EPB41L2: variants seen among roughly 807,000 people sequenced by gnomAD.
EPB41L2 encodes the protein band 4.1-like protein 2.
A neutral mutation model predicts 113.0 loss-of-function variants in EPB41L2; 43 were observed. That is an observed-to-expected ratio of 0.38 (90% CI 0.30 to 0.49). The LOEUF is 0.49. Ranked by LOEUF, EPB41L2 falls within the 20% of genes least tolerant of loss-of-function variation. The pLI is 0.95. For missense variants in EPB41L2, 1,147 were observed against 1,223.4 expected (o/e 0.94, Z 0.93); for synonymous variants, 442 against 436.7 (o/e 1.01, Z -0.15).
At chr6:130,888,458 C>T (rs1583099916) in intron 11 of EPB41L2, among the ~76,000 whole-genome samples, 1 of 152,268 alleles carries the variant, frequency 6.6e-6, no homozygotes, top group Non-Finnish European at 1.5e-5. Flanking sequence ...ACTGCCCATA[C>T]AAGATGGTGG....
chr6:130,958,345 G>A (rs1235285823), intron 1 of EPB41L2, among the ~76,000 whole-genome samples: 3 of 151,830 alleles, frequency 2.0e-5, no homozygotes, highest in Admixed American at 6.6e-5. Flanking sequence ...CCAGCTACTC[G>A]GAAGGCTGAG....
intron 3 of EPB41L2, among the ~76,000 whole-genome samples, chr6:130,940,692 C>T (rs1810521872): frequency 6.6e-6 from 1 of 152,050 alleles, no homozygotes. Flanking sequence ...GTCTCAAATT[C>T]CTGACCTCAA....
At chr6:130,997,072 CTT>C (rs1292055945) in intron 1 of EPB41L2, among the ~76,000 whole-genome samples, 5 of 152,272 alleles carry the variant, frequency 3.3e-5, no homozygotes, top group African/African-American at 1.2e-4. Flanking sequence ...TACTATTCCT[CTT>C]TGAGCTTGGC....
At chr6:130,843,526 G>T (rs1371541292) in intron 19 of EPB41L2, among the ~76,000 whole-genome samples, 2 of 152,160 alleles carry the variant, frequency 1.3e-5, no homozygotes, top group African/African-American at 4.8e-5. Flanking sequence ...AATTCAACCT[G>T]CTTTCACTTT....
intron 18 of EPB41L2, among the ~76,000 whole-genome samples, chr6:130,861,545 T>C (rs1202512423): frequency 1.3e-5 from 2 of 152,112 alleles, no homozygotes; most frequent in Non-Finnish European, 2.9e-5. Context: ...CAGCTTCTGG[T>C]GACAAGCAGA....
chr6:130,970,601 C>A (rs535773523), intron 1 of EPB41L2: 4 of 152,272 alleles, frequency 2.6e-5, no homozygotes, highest in African/African-American at 9.6e-5. Flanking sequence ...TTATAAAATT[C>A]TTCTATCCTG....
intron 1 of EPB41L2, among the ~76,000 whole-genome samples, chr6:130,958,875 G>C (rs1439376003): frequency 1.3e-5 from 2 of 152,206 alleles, no homozygotes; most frequent in Admixed American, 1.3e-4. Context: ...ACTTGAAGTA[G>C]AGGAGAAATG....
chr6:130,966,667 C>T (rs1584051848), intron 1 of EPB41L2, among the ~76,000 whole-genome samples: 2 of 152,104 alleles, frequency 1.3e-5, no homozygotes, highest in African/African-American at 4.8e-5. Context: ...TTTTAATGAA[C>T]AGAAGTTTTC....
intron 14 of EPB41L2, 34 bp from the exon 15 acceptor site, chr6:130,870,160 A>C (rs1390579515): frequency 6.4e-7 from 1 of 1,566,984 alleles, no homozygotes; most frequent in Non-Finnish European, 8.6e-7. Flanking sequence ...GGAAAACAAA[A>C]ATATATGAAT....
intron 1 of EPB41L2, among the ~76,000 whole-genome samples, chr6:130,964,768 C>T (rs925804018): frequency 9.2e-5 from 14 of 152,078 alleles, no homozygotes; most frequent in African/African-American, 3.1e-4. Flanking sequence ...TGCAGCAACT[C>T]GAACCTTCTC....
At chr6:130,962,192 A>T (rs927660201) in intron 1 of EPB41L2, among the ~76,000 whole-genome samples, 1 of 152,086 alleles carries the variant, frequency 6.6e-6, no homozygotes, top group Non-Finnish European at 1.5e-5. Flanking sequence ...CAGCCACCTA[A>T]CTCTACTTGG....
At chr6:130,844,344 C>T (rs1191970233) in intron 19 of EPB41L2, among the ~76,000 whole-genome samples, 10 of 151,820 alleles carry the variant, frequency 6.6e-5, no homozygotes, top group Non-Finnish European at 1.0e-4. Context: ...AGGCAGATCA[C>T]GAGGTCAGGG....
intron 19 of EPB41L2, among the ~76,000 whole-genome samples, chr6:130,851,535 C>T (rs926098868): frequency 1.2e-4 from 19 of 152,188 alleles, no homozygotes; most frequent in Non-Finnish European, 2.9e-5. Context: ...GCTCCAGTGG[C>T]TCCATGACAC....
At chr6:130,964,949 G>A (rs1456494068) in intron 1 of EPB41L2, among the ~76,000 whole-genome samples, 2 of 152,114 alleles carry the variant, frequency 1.3e-5, no homozygotes, top group African/African-American at 2.4e-5. Context: ...ATCCCAAAAC[G>A]ACTTCACTAC....
Position 130,894,974 on chromosome 6 carries a change from G to A in EPB41L2, c.1382C>T (p.Pro461Leu), listed in dbSNP as rs759632542. ...KRSNFYIKVR[P>L]AELEQFESTI... ...AGAAATGTCTTGGCTTACCTCTGCC[G>A]GTCTGACTTTAATGTAGAAGTTACT... Residue 461 changes from proline (P) to leucine (L), a missense_variant, in exon 9 of 20, where the codon CCG (proline) becomes CTG (leucine). Coordinates refer to ENST00000337057, the MANE Select transcript of EPB41L2 (RefSeq NM_001431.4). 7 of 1,612,704 alleles carry A rather than the reference G, an allele frequency of 4.3e-6. No homozygotes were observed. The highest frequency in any genetic ancestry group is 2.2e-5 in the South Asian group (2 of 90,908).
At position 130,968,297 on chromosome 6, in the gene EPB41L2, C is replaced by T. The variant is rs139097097; in HGVS notation, c.-14-11798G>A. On this transcript the variant is annotated intron_variant, in intron 1 of 19. Coordinates refer to ENST00000337057, the MANE Select transcript of EPB41L2 (RefSeq NM_001431.4). ...AAAGCTTGTCAAAGTCAATCAACTC[C>T]CCCACACTATGACAAGTCCACCAAG... is the stretch of plus-strand genomic sequence containing the variant. Among the ~76,000 whole-genome samples the T allele has an allele frequency of 2.5e-4, 38 of 152,246 alleles. No homozygotes were observed. The South Asian group carries it at 6.2e-3, about 25-fold the overall frequency.
chr6:130,867,925 C>G (rs1185945166), intron 15 of EPB41L2: 3 of 320,700 alleles, frequency 9.4e-6, no homozygotes, highest in Non-Finnish European at 1.8e-5. Context: ...TATGTCAAGC[C>G]TAGTGTATAG....
chr6:131,038,535 T>C (rs1191885912), intron 1 of EPB41L2, among the ~76,000 whole-genome samples: 2 of 152,200 alleles, frequency 1.3e-5, no homozygotes, highest in South Asian at 2.1e-4. Context: ...CTTATAGTTA[T>C]AAAAATAATC....
At chr6:130,844,454 C>T (rs1303082665) in intron 19 of EPB41L2, among the ~76,000 whole-genome samples, 4 of 151,906 alleles carry the variant, frequency 2.6e-5, no homozygotes, top group African/African-American at 9.7e-5. Context: ...CGCCTGTAGT[C>T]CCAGCTACTC....
Sources: allele counts gnomAD v4.1 joint callset (sites outside exome capture counted in the v4.1 genomes callset), GRCh38; gene constraint gnomAD v4.1.1; transcripts MANE v1.5; gene names NCBI Gene and HGNC (gene_info 2026-07-23, HGNC 2026-07-21).